AGAP1: variants seen among roughly 807,000 people sequenced by gnomAD.
AGAP1 encodes the protein arf-GAP with GTPase, ANK repeat and PH domain-containing protein 1.
A neutral mutation model predicts 105.3 loss-of-function variants in AGAP1; 29 were observed. The ratio of observed to expected loss-of-function variants is 0.28; its 90% CI spans 0.21 to 0.38. The LOEUF is 0.38. Ranked by LOEUF, AGAP1 falls within the 10% of genes least tolerant of loss-of-function variation. The pLI, the probability that AGAP1 is intolerant of heterozygous loss-of-function variation, is 1.00. For missense variants in AGAP1, 998 were observed against 1,165.1 expected (o/e 0.86, Z 2.09); for synonymous variants, 509 against 485.9 (o/e 1.05, Z -0.63).
chr2:235,808,045 A>G (rs1175103224), intron 9 of AGAP1, among the ~76,000 whole-genome samples: 5 of 85,840 alleles, frequency 5.8e-5, no homozygotes, highest in African/African-American at 9.3e-5. Context: ...CTCCAATAAG[A>G]AAAAAAAAAA....
chr2:235,797,257 G>A (rs1170281967), intron 6 of AGAP1, among the ~76,000 whole-genome samples: 2 of 152,136 alleles, frequency 1.3e-5, no homozygotes, highest in African/African-American at 4.8e-5. Context: ...AATGAGATAG[G>A]TGTGTATTTT....
In AGAP1 at chr2:235,971,558, G is replaced by A. The variant is rs1319348827; in HGVS notation, c.1645+2935G>A. 6.6e-6 allele frequency among the ~76,000 whole-genome samples: 1 copy of A among 151,880 alleles called. No homozygotes were observed. The highest frequency in any genetic ancestry group is 1.5e-5 in the Non-Finnish European group (1 of 67,932). On this transcript the variant is annotated intron_variant, in intron 13 of 17. Coordinates refer to ENST00000304032, the MANE Select transcript of AGAP1 (RefSeq NM_001037131.3). This position sits in a 1 kb window ranked among gnomAD's most constrained non-coding sequence, Gnocchi z 4.8. The stretch of plus-strand genomic sequence containing the variant: ...TACTAAAAATACAAAAATTAGCTGG[G>A]CATGGTGGCAGGTCCCAGCTACTTG...
chr2:235,609,571 C>T lies in AGAP1; in HGVS notation c.164-99608C>T, dbSNP rs1429507199. On this transcript the variant is annotated intron_variant, in intron 1 of 17. Transcript: ENST00000304032. The surrounding 1 kb of genome is among the most constrained non-coding windows in gnomAD (Gnocchi z 5.1). ...GAGTTTTCAGTAGAGAAGGCCTGCT[C>T]CTCACTTTGACCCCGGACCTGCATG... Among the ~76,000 whole-genome samples the T allele has an allele frequency of 2.6e-5, 4 of 152,126 alleles. No homozygotes were observed. The highest frequency in any genetic ancestry group is 5.9e-5 in the Non-Finnish European group (4 of 68,024).
Position 235,747,469 on chromosome 2 carries a change from C to T in AGAP1, c.538+2630C>T, listed in dbSNP as rs550429334. The stretch of plus-strand genomic sequence containing the variant: ...GGGGTGAACAGGTAAGCTGGCCCCA[C>T]GCCCTCCCGGGGTGAGCAGGTAAGC... On this transcript the variant is annotated intron_variant, in intron 5 of 17. Coordinates refer to ENST00000304032, the MANE Select transcript of AGAP1 (RefSeq NM_001037131.3). The surrounding 1 kb of genome is among the most constrained non-coding windows in gnomAD (Gnocchi z 5.0). Among the ~76,000 whole-genome samples, 478 of 152,098 alleles carry T rather than the reference C, an allele frequency of 3.1e-3. 3 individuals are homozygous for T. Among genetic ancestry groups the T allele is most frequent in the African/African-American group, 0.011 (463 of 41,500 alleles).
rs1165093900 is a variant in AGAP1, at chr2:235,543,097, TCC to T, written c.163+48258_163+48259del. Among the ~76,000 whole-genome samples the T allele has an allele frequency of 2.6e-3, 172 of 66,664 alleles. 1 individual carries two copies. Among genetic ancestry groups the T allele is most frequent in the African/African-American group, 9.1e-3 (148 of 16,258 alleles). 43.7% of individuals were successfully genotyped at this position (66,664 alleles called of 152,430 possible). A position where few individuals can be genotyped will look rare whatever the true frequency, so the allele number is the denominator to read the frequency against. ...CGACCCTGCTCCCGCCTCCTCCCCC[TCC>T]CCCCCCCCCGCCCCCTGCCCCTCGT... On this transcript the variant is annotated intron_variant, in intron 1 of 17. Transcript: ENST00000304032.
rs1276898443 is a variant in AGAP1 at position 235,891,387 on chromosome 2, TA to T, written c.1155+7939del. On this transcript the variant is annotated intron_variant, in intron 10 of 17. Coordinates refer to ENST00000304032, the MANE Select transcript of AGAP1 (RefSeq NM_001037131.3). This position sits in a 1 kb window ranked among gnomAD's most constrained non-coding sequence, Gnocchi z 4.2. The stretch of plus-strand genomic sequence containing the variant: ...CTGCTTAACTTTCTTGGGGGAAATA[TA>T]TATGAGTGTCTCATGGTTTTCAGAC... Among the ~76,000 whole-genome samples, 4 of 152,226 alleles carry T rather than the reference TA, an allele frequency of 2.6e-5. No homozygotes were observed.
At chr2:235,949,739 G>A (rs1050724595) in intron 12 of AGAP1, among the ~76,000 whole-genome samples, 4 of 152,178 alleles carry the variant, frequency 2.6e-5, no homozygotes, top group African/African-American at 9.7e-5. Context: ...AGTTGGTCCA[G>A]CTGCATAAAC....
In AGAP1 at chr2:235,874,417, G is replaced by T. The variant is rs2049607124; in HGVS notation, c.1051-8928G>T. On this transcript the variant is annotated intron_variant, in intron 9 of 17. Transcript: ENST00000304032. The surrounding 1 kb of genome is among the most constrained non-coding windows in gnomAD (Gnocchi z 4.5). ...TGTAGAAGGAAGTTGGCTTAACTGG[G>T]GGCGCTGCAGCAGCTTCTCAGACAT... is the stretch of plus-strand genomic sequence containing the variant. Among the ~76,000 whole-genome samples, 1 of 152,182 alleles carries T rather than the reference G, an allele frequency of 6.6e-6. No homozygotes were observed. Among genetic ancestry groups the T allele is most frequent in the Non-Finnish European group, 1.5e-5 (1 of 68,032 alleles).
At chr2:235,826,763 G>GT (rs1286539137) in intron 9 of AGAP1, among the ~76,000 whole-genome samples, 24 of 152,068 alleles carry the variant, frequency 1.6e-4, no homozygotes, top group Non-Finnish European at 2.2e-4. Context: ...TTTTAAAAAT[G>GT]TTTTTTTGCA....
rs930950726 is a variant in AGAP1, at chr2:236,125,285, C to T, written c.*1163C>T. On this transcript the variant is annotated 3_prime_UTR_variant, in exon 18 of 18. Coordinates refer to ENST00000304032, the MANE Select transcript of AGAP1 (RefSeq NM_001037131.3). This position sits in a 1 kb window ranked among gnomAD's most constrained non-coding sequence, Gnocchi z 5.2. ...ATTTTTGTACAGACAAATGGCACCT[C>T]TCTTAATTTATAAATTGAACTGGAT... 6.6e-6 allele frequency: 1 copy of T among 152,646 alleles called. No individual in the cohort carries two copies. Among genetic ancestry groups the T allele is most frequent in the African/African-American group, 2.4e-5 (1 of 41,424 alleles). The allele number at this position is 152,646 out of a possible 1,614,324, so 9.5% of individuals were successfully genotyped here.
At chr2:235,629,884 GAA>G (rs75659747) in intron 1 of AGAP1, among the ~76,000 whole-genome samples, 7 of 95,142 alleles carry the variant, frequency 7.4e-5, no homozygotes, top group Non-Finnish European at 1.4e-4. Flanking sequence ...AAAAAAAAAA[GAA>G]AGAACAGAAA....
rs186166029 is a variant in AGAP1 at position 235,651,610 on chromosome 2, A to G, written c.164-57569A>G. ...CGTAGACAGATTCAGCCCTCTAGTCATGTTGTGGCTGTTGGCAGATTAAGC... is the reference window on the plus strand; with the variant it reads ...CGTAGACAGATTCAGCCCTCTAGTCGTGTTGTGGCTGTTGGCAGATTAAGC... On this transcript the variant is annotated intron_variant, in intron 1 of 17. Transcript: ENST00000304032. Among the ~76,000 whole-genome samples, 911 of 152,302 alleles carry G rather than the reference A, an allele frequency of 6.0e-3. 14 individuals are homozygous for G. The highest frequency in any genetic ancestry group is 0.038 in the Admixed American group (583 of 15,296).
rs1516279 is a variant in AGAP1, at chr2:235,724,358, G to C, written c.310+6714G>C. 0.25 allele frequency among the ~76,000 whole-genome samples: 38,453 copies of C among 152,138 alleles called. 6,063 individuals carry two copies. Among genetic ancestry groups the C allele is most frequent in the Non-Finnish European group, 0.35 (23,692 of 67,976 alleles). On this transcript the variant is annotated intron_variant, in intron 3 of 17. Transcript: ENST00000304032. This position sits in a 1 kb window ranked among gnomAD's most constrained non-coding sequence, Gnocchi z 4.9. ...CCAGGCTCTCCCATCTTCCCAGCTC[G>C]GGCCACACATAGGCAGCAGCTGCCC...
chr2:235,856,741 T>C (rs1040553176), intron 9 of AGAP1, among the ~76,000 whole-genome samples: 1 of 151,978 alleles, frequency 6.6e-6, no homozygotes, highest in African/African-American at 2.4e-5. Flanking sequence ...AGCACAGGAG[T>C]TGGATGTAGG....
intron 11 of AGAP1, among the ~76,000 whole-genome samples, chr2:235,909,211 C>T (rs1187789082): frequency 2.6e-5 from 4 of 152,102 alleles, no homozygotes; most frequent in Middle Eastern, 3.2e-3. Context: ...TTCTGAAAAA[C>T]GTGAATTAAC....
chr2:235,629,250 A>C (rs547727757), intron 1 of AGAP1, among the ~76,000 whole-genome samples: 2 of 148,446 alleles, frequency 1.3e-5, no homozygotes, highest in East Asian at 3.9e-4. Flanking sequence ...ATTCCTTCTT[A>C]AGGCTGAGTA....
Position 236,001,110 on chromosome 2 carries a change from G to A in AGAP1, c.1645+32487G>A, listed in dbSNP as rs910738156. The stretch of plus-strand genomic sequence containing the variant: ...GGGGAGGGGATGGACCCTCAGAGGC[G>A]AGACGGACGTACAGGAAACACCACA... On this transcript the variant is annotated intron_variant, in intron 13 of 17. Coordinates refer to ENST00000304032, the MANE Select transcript of AGAP1 (RefSeq NM_001037131.3). The surrounding 1 kb of genome is among the most constrained non-coding windows in gnomAD (Gnocchi z 4.7). Among the ~76,000 whole-genome samples the A allele has an allele frequency of 6.6e-6, 1 of 152,128 alleles. No homozygotes were observed. The highest frequency in any genetic ancestry group is 6.5e-5 in the Admixed American group (1 of 15,272).
At chr2:236,075,560 G>A (rs1382213050) in intron 16 of AGAP1, among the ~76,000 whole-genome samples, 3 of 152,192 alleles carry the variant, frequency 2.0e-5, no homozygotes, top group Middle Eastern at 3.4e-3. Flanking sequence ...AGCCTTCCAG[G>A]TAAATATGGG....
rs140939725 is a variant in AGAP1, at chr2:235,785,053, G to C, written c.674-12706G>C. ...TCCCGTGCACAGGGCCACCGCTGCT[G>C]GCTCATTATTAACAGAGCAGGGAGG... On this transcript the variant is annotated intron_variant, in intron 6 of 17. Coordinates refer to ENST00000304032, the MANE Select transcript of AGAP1 (RefSeq NM_001037131.3). Among the ~76,000 whole-genome samples, 51 of 152,306 alleles carry C rather than the reference G, an allele frequency of 3.3e-4. No homozygotes were observed. The East Asian group carries it at 9.1e-3, about 27-fold the overall frequency.
Sources: allele counts gnomAD v4.1 joint callset (sites outside exome capture counted in the v4.1 genomes callset), GRCh38; gene constraint gnomAD v4.1.1; non-coding constraint Gnocchi (gnomAD v3.1); transcripts MANE v1.5; gene names NCBI Gene and HGNC (gene_info 2026-07-23, HGNC 2026-07-21).